Variants in SHISA9 observed in about 807,000 individuals in gnomAD.
SHISA9 encodes the protein shisa family member 9, also known as protein shisa-9.
SHISA9 carries 13 observed loss-of-function variants against 38.0 expected under a neutral mutation model. The observed-to-expected ratio is 0.34, with a 90% CI of 0.22 to 0.54. The LOEUF (loss-of-function observed/expected upper bound fraction) is 0.54. SHISA9 is among the 20% of genes least tolerant of loss of function. The pLI is 0.91. For missense variants in SHISA9, 538 were observed against 575.8 expected, an observed-to-expected ratio of 0.93 and a Z score of 0.67; for synonymous variants, 275 against 242.0, an observed-to-expected ratio of 1.14 and a Z score of -1.27.
chr16:13,461,879 C>A, the SHISA9 span, among the ~76,000 whole-genome samples: 3 of 151,996 alleles, frequency 2.0e-5, no homozygotes, highest in Non-Finnish European at 4.4e-5. Context: ...TCCCAAAGTG[C>A]TGGGATTACA....
the SHISA9 span, among the ~76,000 whole-genome samples, chr16:13,299,091 C>G: frequency 6.6e-6 from 1 of 152,190 alleles, no homozygotes; most frequent in African/African-American, 2.4e-5. Context: ...CCAGTGACCT[C>G]CAGCTCATCT....
chr16:13,366,551 C>A, the SHISA9 span, among the ~76,000 whole-genome samples: 1 of 152,174 alleles, frequency 6.6e-6, no homozygotes, highest in South Asian at 2.1e-4. Flanking sequence ...TAGCAAGAAT[C>A]CAGGTTTTAG....
chr16:13,486,931 C>A, the SHISA9 span, among the ~76,000 whole-genome samples: 1 of 152,158 alleles, frequency 6.6e-6, no homozygotes, highest in Non-Finnish European at 1.5e-5. Flanking sequence ...CATGAACTCC[C>A]GACCTCAGGT....
intron 2 of SHISA9, among the ~76,000 whole-genome samples, chr16:13,033,016 C>A (rs2073010276): frequency 6.6e-6 from 1 of 152,206 alleles, no homozygotes; most frequent in South Asian, 2.1e-4. Context: ...GCCTCATTTT[C>A]AGGCAGGCTT....
intron 2 of SHISA9, among the ~76,000 whole-genome samples, chr16:13,150,403 C>T (rs948413879): frequency 9.2e-5 from 14 of 152,110 alleles, no homozygotes; most frequent in East Asian, 1.9e-4. Flanking sequence ...GATGTGGTGA[C>T]GTCCATGTCT....
chr16:13,173,346 A>G (rs1377570878), intron 2 of SHISA9, among the ~76,000 whole-genome samples: 3 of 150,364 alleles, frequency 2.0e-5, no homozygotes, highest in Non-Finnish European at 4.4e-5. Context: ...TTCAGACACT[A>G]CAATGTGGAA....
At chr16:13,066,744 A>T (rs2073439547) in intron 2 of SHISA9, among the ~76,000 whole-genome samples, 1 of 152,240 alleles carries the variant, frequency 6.6e-6, no homozygotes, top group Admixed American at 6.5e-5. Flanking sequence ...TATGTGCTAT[A>T]ACAATTGTCA....
At chr16:12,985,208 A>T (rs1006469047) in intron 2 of SHISA9, among the ~76,000 whole-genome samples, 2 of 140,450 alleles carry the variant, frequency 1.4e-5, no homozygotes, top group African/African-American at 2.7e-5. Context: ...TATCTACACT[A>T]TATCTGTCAA....
chr16:13,319,011 T>C, the SHISA9 span, among the ~76,000 whole-genome samples: 3 of 152,224 alleles, frequency 2.0e-5, no homozygotes, highest in Non-Finnish European at 4.4e-5. Flanking sequence ...TTTTATTTCA[T>C]TTTATTTTAT....
the SHISA9 span, among the ~76,000 whole-genome samples, chr16:13,351,269 C>G: frequency 6.6e-6 from 1 of 152,110 alleles, no homozygotes; most frequent in Admixed American, 6.5e-5. Flanking sequence ...GACCCAAAGG[C>G]CCCCAGACAG....
chr16:13,462,677 G>C, the SHISA9 span, among the ~76,000 whole-genome samples: 2 of 151,948 alleles, frequency 1.3e-5, no homozygotes, highest in African/African-American at 4.8e-5. Flanking sequence ...ATATAAAAAA[G>C]TTGGGCAGGC....
At chr16:13,388,310 A>ATT in the SHISA9 span, among the ~76,000 whole-genome samples, 67 of 140,326 alleles carry the variant, frequency 4.8e-4, no homozygotes, top group Admixed American at 8.7e-4. Flanking sequence ...AATTTGGGGA[A>ATT]TTTTTTTTTT....
intron 2 of SHISA9, among the ~76,000 whole-genome samples, chr16:12,936,260 A>T (rs951599690): frequency 7.2e-5 from 11 of 152,154 alleles, no homozygotes; most frequent in Non-Finnish European, 7.4e-5. Flanking sequence ...CCTTCTCCAA[A>T]GCCTTTTGAG....
the SHISA9 span, among the ~76,000 whole-genome samples, chr16:13,271,938 G>T: frequency 1.3e-5 from 2 of 152,052 alleles, no homozygotes; most frequent in Non-Finnish European, 2.9e-5. Context: ...AATTAGCCGG[G>T]CATGGTAGCA....
chr16:13,087,745 G>C (rs1332578850), intron 2 of SHISA9, among the ~76,000 whole-genome samples: 1 of 152,210 alleles, frequency 6.6e-6, no homozygotes, highest in Non-Finnish European at 1.5e-5. Flanking sequence ...CAGATGGGTA[G>C]ATTGCAAAAA....
the SHISA9 span, among the ~76,000 whole-genome samples, chr16:13,476,780 G>A: frequency 3.5e-5 from 4 of 114,482 alleles, no homozygotes; most frequent in South Asian, 2.9e-4. Context: ...ACGGAGTCTC[G>A]CTCTGTCGCC....
chr16:13,114,426 A>C (rs1282893250), intron 2 of SHISA9, among the ~76,000 whole-genome samples: 1 of 144,810 alleles, frequency 6.9e-6, no homozygotes, highest in Non-Finnish European at 1.5e-5. Flanking sequence ...AGATTGCACC[A>C]CTGCACTCCA....
At chr16:13,210,796 T>C (rs943617880) in intron 3 of SHISA9, among the ~76,000 whole-genome samples, 1 of 152,328 alleles carries the variant, frequency 6.6e-6, no homozygotes, top group East Asian at 1.9e-4. Context: ...ATCCGTACTT[T>C]TAGTAAATGG....
At chr16:13,106,778 T>C (rs2073929163) in intron 2 of SHISA9, among the ~76,000 whole-genome samples, 1 of 151,774 alleles carries the variant, frequency 6.6e-6, no homozygotes, top group Admixed American at 6.6e-5. Context: ...CCTTCTGAGA[T>C]GATAAGTACA....
Sources: allele counts gnomAD v4.1 joint callset (sites outside exome capture counted in the v4.1 genomes callset), GRCh38; gene constraint gnomAD v4.1.1; transcripts MANE v1.5; gene names NCBI Gene and HGNC (gene_info 2026-07-23, HGNC 2026-07-21).